CTNNA3: variants seen among roughly 807,000 people sequenced by gnomAD.
CTNNA3 encodes catenin alpha 3.
In CTNNA3, 76 loss-of-function variants were observed where a neutral mutation model predicts 95.7. The observed-to-expected ratio is 0.79, with a 90% confidence interval of 0.66 to 0.96. The LOEUF (loss-of-function observed/expected upper bound fraction) is 0.96, where lower values mean the gene tolerates loss of function less well. CTNNA3 is among the 40% of genes least tolerant of loss of function. The pLI, the probability that CTNNA3 is intolerant of heterozygous loss-of-function variation, is 0.00. For missense variants in CTNNA3, 1,191 were observed against 1,089.8 expected, an observed-to-expected ratio of 1.09 and a Z score of -1.31; for synonymous variants, 431 against 374.4, an observed-to-expected ratio of 1.15 and a Z score of -1.74.
At chr10:66,363,441 A>C (rs1430296018) in intron 12 of CTNNA3, among the ~76,000 whole-genome samples, 2 of 152,220 alleles carry the variant, frequency 1.3e-5, no homozygotes, top group African/African-American at 4.8e-5. Flanking sequence ...ATGTAGAGAC[A>C]GCAAGAAGGC....
intron 5 of CTNNA3, among the ~76,000 whole-genome samples, chr10:67,440,495 T>C (rs992316210): frequency 2.0e-5 from 3 of 152,132 alleles, no homozygotes; most frequent in Non-Finnish European, 2.9e-5. Flanking sequence ...AGCTAGTCAG[T>C]AGCCAGTTAG....
At chr10:66,364,671 G>A (rs1230833857) in intron 12 of CTNNA3, among the ~76,000 whole-genome samples, 1 of 152,106 alleles carries the variant, frequency 6.6e-6, no homozygotes, top group Non-Finnish European at 1.5e-5. Flanking sequence ...ATAATGTACA[G>A]AGGAACATTG....
intron 9 of CTNNA3, among the ~76,000 whole-genome samples, chr10:66,705,031 T>A (rs1848071957): frequency 6.6e-6 from 1 of 152,146 alleles, no homozygotes; most frequent in Non-Finnish European, 1.5e-5. Context: ...GTTTGCATTT[T>A]ATAGACCCCT....
chr10:66,453,570 C>A (rs1222998199), intron 11 of CTNNA3, among the ~76,000 whole-genome samples: 1 of 152,222 alleles, frequency 6.6e-6, no homozygotes, highest in East Asian at 1.9e-4. Context: ...CTGGCATCAA[C>A]TCCAAACCAT....
intron 7 of CTNNA3, among the ~76,000 whole-genome samples, chr10:66,861,296 C>T (rs1843912656): frequency 6.6e-6 from 1 of 152,164 alleles, no homozygotes; most frequent in African/African-American, 2.4e-5. Flanking sequence ...CCACTGGGGC[C>T]ACTGTCTGTG....
intron 13 of CTNNA3, among the ~76,000 whole-genome samples, chr10:66,129,616 T>G: frequency 6.6e-6 from 1 of 152,146 alleles, no homozygotes; most frequent in East Asian, 1.9e-4. Context: ...ACCCTCAGTC[T>G]ACTGGCCTCT....
At position 67,592,131 on chromosome 10, in the gene CTNNA3, A is replaced by G. The variant is rs191612109; in HGVS notation, c.292+14726T>C. 9.9e-5 allele frequency among the ~76,000 whole-genome samples: 15 copies of G among 152,224 alleles called. 1 individual carries two copies. In the East Asian group the frequency reaches 1.9e-3, roughly 20 times the overall value. On this transcript the variant is annotated intron_variant, in intron 3 of 17. Transcript: ENST00000433211. The stretch of plus-strand genomic sequence containing the variant: ...TTTTTCCAAGACCACTCAAGGACCT[A>G]TCAGCATGCAGTCCCCCATTCTAAG...
intron 1 of CTNNA3, among the ~76,000 whole-genome samples, chr10:67,706,181 A>G (rs969422132): frequency 2.6e-5 from 4 of 152,178 alleles, no homozygotes; most frequent in Middle Eastern, 3.4e-3. Context: ...TCCAGTTAGG[A>G]AAGAGTTTTG....
intron 11 of CTNNA3, among the ~76,000 whole-genome samples, chr10:66,451,854 G>A (rs146949447): frequency 1.5e-4 from 23 of 152,216 alleles, no homozygotes; most frequent in African/African-American, 3.1e-4. Flanking sequence ...TAAGCATCCC[G>A]ACAGGGCCAA....
intron 9 of CTNNA3, among the ~76,000 whole-genome samples, chr10:66,678,172 A>T (rs893059277): frequency 4.6e-5 from 7 of 152,184 alleles, no homozygotes; most frequent in African/African-American, 1.4e-4. Context: ...TTCCCTGAAC[A>T]ACAAGGATAA....
chr10:67,646,186 CTTT>C (rs57780349), intron 2 of CTNNA3, among the ~76,000 whole-genome samples: 1 of 134,658 alleles, frequency 7.4e-6, no homozygotes. Context: ...GTTTTTCTTT[CTTT>C]TTTTTTTTTT....
At chr10:66,749,450 T>C (rs562166757) in intron 9 of CTNNA3, among the ~76,000 whole-genome samples, 2 of 152,266 alleles carry the variant, frequency 1.3e-5, no homozygotes, top group South Asian at 2.1e-4. Context: ...TGTCATATTG[T>C]GGAATCAGAT....
At chr10:66,774,914 C>CTT (rs1438036816) in intron 8 of CTNNA3, among the ~76,000 whole-genome samples, 1 of 152,022 alleles carries the variant, frequency 6.6e-6, no homozygotes, top group Non-Finnish European at 1.5e-5. Flanking sequence ...GAAGGCTTAA[C>CTT]TTTTACAAAA....
intron 12 of CTNNA3, among the ~76,000 whole-genome samples, chr10:66,288,499 AT>A (rs1218616414): frequency 6.6e-6 from 1 of 152,082 alleles, no homozygotes; most frequent in Non-Finnish European, 1.5e-5. Context: ...ATACTTCACT[AT>A]TTTCTAAAGT....
At chr10:67,155,459 T>C (rs1159206799) in intron 7 of CTNNA3, among the ~76,000 whole-genome samples, 2 of 152,146 alleles carry the variant, frequency 1.3e-5, no homozygotes, top group Non-Finnish European at 2.9e-5. Flanking sequence ...ATTACCAAGA[T>C]ATAATGTTTC....
intron 5 of CTNNA3, among the ~76,000 whole-genome samples, chr10:67,396,763 G>A (rs115582387): frequency 0.013 from 1,899 of 149,452 alleles, 41 homozygotes; most frequent in African/African-American, 0.043. Flanking sequence ...CATGTGTCAT[G>A]GGAGGGACAC....
At chr10:67,228,010 T>C (rs1865006822) in intron 5 of CTNNA3, among the ~76,000 whole-genome samples, 1 of 152,006 alleles carries the variant, frequency 6.6e-6, no homozygotes, top group Admixed American at 6.5e-5. Flanking sequence ...CAAAAACCTC[T>C]GGGATACAGC....
At chr10:67,734,133 T>A (rs1841290290) in intron 1 of CTNNA3, among the ~76,000 whole-genome samples, 1 of 152,176 alleles carries the variant, frequency 6.6e-6, no homozygotes. Flanking sequence ...ATAGCCTTCC[T>A]CTTTTCTCTT....
rs10586644 is a variant in CTNNA3, at chr10:67,017,725, CTGTGTGTGTG to C, written c.1047+162582_1047+162591del. Among the ~76,000 whole-genome samples, 6 of 147,988 alleles carry C rather than the reference CTGTGTGTGTG, an allele frequency of 4.1e-5. No individual in the cohort carries two copies. The South Asian group carries it at 8.6e-4, about 21-fold the overall frequency. ...CAAAATGTGATGTCACAAAAATCAT[CTGTGTGTGTG>C]TGTGTGTGTGTGTGTGTGCGCGCGT... On this transcript the variant is annotated intron_variant, in intron 7 of 17. Transcript: ENST00000433211.
Sources: allele counts gnomAD v4.1 joint callset (sites outside exome capture counted in the v4.1 genomes callset), GRCh38; gene constraint gnomAD v4.1.1; transcripts MANE v1.5; gene names NCBI Gene and HGNC (gene_info 2026-07-23, HGNC 2026-07-21).